Variants in ITFG1 observed in about 807,000 individuals in gnomAD.
The protein encoded by ITFG1 is integrin alpha FG-GAP repeat containing 1, also known as T-cell immunomodulatory protein.
In ITFG1, 34 loss-of-function variants were observed where a neutral mutation model predicts 81.8. That is an observed-to-expected ratio of 0.42 (90% CI 0.32 to 0.55). The LOEUF (loss-of-function observed/expected upper bound fraction) is 0.55, where lower values mean the gene tolerates loss of function less well. Among genes scored for constraint, ITFG1 ranks in the 20% least tolerant of loss-of-function variants. ITFG1 has a pLI of 0.17. For synonymous variants in ITFG1, 285 were observed against 270.6 expected (o/e 1.05, Z -0.52); for missense variants, 672 against 755.4 (o/e 0.89, Z 1.29).
intron 14 of ITFG1, among the ~76,000 whole-genome samples, chr16:47,176,728 TCTGGTAG>T (rs1285075100): frequency 4.6e-5 from 7 of 152,244 alleles, no homozygotes; most frequent in African/African-American, 1.7e-4. Flanking sequence ...TATTCTTCTT[TCTGGTAG>T]CAGGATGGGA....
intron 6 of ITFG1, among the ~76,000 whole-genome samples, chr16:47,377,945 C>T (rs147355553): frequency 2.0e-5 from 3 of 152,286 alleles, no homozygotes; most frequent in Non-Finnish European, 2.9e-5. Flanking sequence ...AATAATTGCT[C>T]TATTATGTCT....
chr16:47,202,968 G>A (rs1207838593), intron 14 of ITFG1, among the ~76,000 whole-genome samples: 1 of 152,044 alleles, frequency 6.6e-6, no homozygotes, highest in African/African-American at 2.4e-5. Flanking sequence ...TTACACAGAA[G>A]TATCATATGA....
chr16:47,230,129 T>C (rs1011828004), intron 13 of ITFG1, among the ~76,000 whole-genome samples: 9 of 152,176 alleles, frequency 5.9e-5, no homozygotes, highest in Admixed American at 2.6e-4. Context: ...GAATGCGTCT[T>C]TGTGGATAAG....
At chr16:47,455,875 A>G (rs1969446383) in intron 2 of ITFG1, among the ~76,000 whole-genome samples, 2 of 152,046 alleles carry the variant, frequency 1.3e-5, no homozygotes, top group Non-Finnish European at 2.9e-5. Flanking sequence ...TGATAAAAAT[A>G]AGAAACAGAT....
chr16:47,277,363 T>C (rs1319816853), intron 10 of ITFG1, among the ~76,000 whole-genome samples: 2 of 152,144 alleles, frequency 1.3e-5, no homozygotes, highest in Admixed American at 6.5e-5. Flanking sequence ...AATCCACACA[T>C]ACTGAAGTCC....
intron 12 of ITFG1, chr16:47,238,293 T>C (rs1965898010): frequency 4.8e-6 from 1 of 210,384 alleles, no homozygotes; most frequent in African/African-American, 2.3e-5. Flanking sequence ...CTGTTGGTTC[T>C]ATTTTCCAAT....
chr16:47,177,897 T>C (rs1233454479), intron 14 of ITFG1, among the ~76,000 whole-genome samples: 1 of 152,236 alleles, frequency 6.6e-6, no homozygotes, highest in Non-Finnish European at 1.5e-5. Context: ...CAGTAATTGC[T>C]AAGGGACTAT....
intron 13 of ITFG1, among the ~76,000 whole-genome samples, chr16:47,233,521 T>TA (rs1965839947): frequency 2.0e-5 from 3 of 152,202 alleles, no homozygotes; most frequent in Admixed American, 2.0e-4. Flanking sequence ...AAAATACCTT[T>TA]ATGTTTCCAG....
intron 6 of ITFG1, among the ~76,000 whole-genome samples, chr16:47,393,007 C>A (rs998195317): frequency 6.6e-6 from 1 of 152,186 alleles, no homozygotes; most frequent in African/African-American, 2.4e-5. Context: ...GCATGAGAAG[C>A]TATGTCCAAA....
At chr16:47,324,593 T>C (rs1458636893) in intron 8 of ITFG1, among the ~76,000 whole-genome samples, 1 of 152,124 alleles carries the variant, frequency 6.6e-6, no homozygotes, top group Non-Finnish European at 1.5e-5. Context: ...AGGAAACTCA[T>C]CTCATGTGCA....
chr16:47,280,087 A>G (rs951001948), intron 10 of ITFG1, among the ~76,000 whole-genome samples: 7 of 152,076 alleles, frequency 4.6e-5, no homozygotes, highest in African/African-American at 1.7e-4. Context: ...CTTTCTTTAC[A>G]ATTTGTATGT....
intron 8 of ITFG1, among the ~76,000 whole-genome samples, chr16:47,354,022 G>C (rs953302659): frequency 6.6e-6 from 1 of 152,028 alleles, no homozygotes; most frequent in Admixed American, 6.6e-5. Flanking sequence ...AAATACCAAT[G>C]ACATTCTTGA....
intron 14 of ITFG1, among the ~76,000 whole-genome samples, chr16:47,169,586 G>GT (rs1964934287): frequency 6.6e-6 from 1 of 151,776 alleles, no homozygotes; most frequent in African/African-American, 2.4e-5. Flanking sequence ...ATTTTTTTCT[G>GT]TGAGTTATAT....
At chr16:47,422,166 T>C (rs1223235638) in intron 6 of ITFG1, among the ~76,000 whole-genome samples, 1 of 152,224 alleles carries the variant, frequency 6.6e-6, no homozygotes, top group Admixed American at 6.5e-5. Flanking sequence ...TATAGTAGCA[T>C]GATTTATAAT....
chr16:47,322,104 G>A (rs1967457107), intron 8 of ITFG1, among the ~76,000 whole-genome samples: 1 of 152,074 alleles, frequency 6.6e-6, no homozygotes, highest in Admixed American at 6.5e-5. Flanking sequence ...CAGAATTAAT[G>A]TACCTATGTT....
chr16:47,228,490 G>A (rs961736255), intron 13 of ITFG1, among the ~76,000 whole-genome samples: 4 of 152,170 alleles, frequency 2.6e-5, no homozygotes, highest in South Asian at 4.2e-4. Context: ...CTGAGTACCC[G>A]GGATTACAGG....
chr16:47,300,882 T>C (rs1196399199), intron 10 of ITFG1, among the ~76,000 whole-genome samples: 1 of 152,206 alleles, frequency 6.6e-6, no homozygotes, highest in African/African-American at 2.4e-5. Context: ...AAAAAGATTA[T>C]GCAATGAACT....
chr16:47,368,902 T>C (rs147701820), intron 7 of ITFG1, among the ~76,000 whole-genome samples: 65 of 152,260 alleles, frequency 4.3e-4, no homozygotes, highest in African/African-American at 1.5e-3. Context: ...AGGAAAAGAA[T>C]ACGTTCTGGC....
Position 47,272,111 on chromosome 16 carries a change from T to C in ITFG1, c.1071-11416A>G, listed in dbSNP as rs888326183. Among the ~76,000 whole-genome samples, 7 of 152,170 alleles carry C rather than the reference T, an allele frequency of 4.6e-5. No individual in the cohort carries two copies. The East Asian group carries it at 7.7e-4, about 17-fold the overall frequency. ...AGGAATACTGCTACACACTACGACATAGAAAAATCTTGAAAACATTATACC... is the reference window on the plus strand; with the variant it reads ...AGGAATACTGCTACACACTACGACACAGAAAAATCTTGAAAACATTATACC... On this transcript the variant is annotated intron_variant, in intron 10 of 17. Coordinates refer to ENST00000320640, the MANE Select transcript of ITFG1 (RefSeq NM_030790.5).
Sources: gnomAD v4.1 joint callset for allele counts (sites outside exome capture counted in the v4.1 genomes callset) on GRCh38, gnomAD v4.1.1 for gene constraint, MANE v1.5 for transcripts, NCBI Gene and HGNC (gene_info 2026-07-23, HGNC 2026-07-21) for gene names.